RIMS1: variants seen among roughly 807,000 people sequenced by gnomAD.
RIMS1 encodes regulating synaptic membrane exocytosis 1, also known as regulating synaptic membrane exocytosis protein 1.
In RIMS1, 83 loss-of-function variants were observed where a neutral mutation model predicts 214.1. That is an observed-to-expected ratio of 0.39 (90% CI 0.32 to 0.47). The LOEUF (loss-of-function observed/expected upper bound fraction) is 0.47. Among genes scored for constraint, RIMS1 ranks in the 20% least tolerant of loss-of-function variants. RIMS1 has a pLI of 0.99. For missense variants in RIMS1, 2,050 were observed against 2,161.8 expected, an observed-to-expected ratio of 0.95 and a Z score of 1.03; for synonymous variants, 793 against 786.8, an observed-to-expected ratio of 1.01 and a Z score of -0.13.
chr6:72,088,234 T>C (rs930039818), intron 2 of RIMS1, among the ~76,000 whole-genome samples: 1 of 95,722 alleles, frequency 1.0e-5, no homozygotes, highest in Non-Finnish European at 2.6e-5. Flanking sequence ...TATTTATTTA[T>C]TTATTTATTT....
intron 26 of RIMS1, among the ~76,000 whole-genome samples, chr6:72,293,120 A>T (rs946015855): frequency 1.3e-5 from 2 of 152,002 alleles, no homozygotes; most frequent in Non-Finnish European, 2.9e-5. Flanking sequence ...ATTATGGAAA[A>T]CTTAGTGTAG....
At position 72,400,773 on chromosome 6, in the gene RIMS1, CA is replaced by C; in HGVS notation, c.*60del. 1.5e-6 allele frequency: 2 copies of C among 1,309,344 alleles called. No homozygotes were observed. The highest frequency in any genetic ancestry group is 2.2e-6 in the Non-Finnish European group (2 of 929,520). 81.1% of individuals were successfully genotyped at this position (1,309,344 alleles called of 1,614,324 possible). A position where few individuals can be genotyped will look rare whatever the true frequency, so the allele number is the denominator to read the frequency against. On this transcript the variant is annotated 3_prime_UTR_variant, in exon 34 of 34. Transcript: ENST00000521978. The stretch of plus-strand genomic sequence containing the variant: ...TACTTTTCAGGATAATAATCTGAAC[CA>C]GATATTTCATGATCGAAAGCATTGT...
intron 6 of RIMS1, among the ~76,000 whole-genome samples, chr6:72,207,944 C>T (rs908285655): frequency 3.9e-5 from 6 of 152,148 alleles, no homozygotes; most frequent in Admixed American, 6.5e-5. Context: ...TGAGGTGATA[C>T]TTCAGCAATA....
At chr6:72,089,567 C>T (rs1835607397) in intron 2 of RIMS1, among the ~76,000 whole-genome samples, 1 of 152,046 alleles carries the variant, frequency 6.6e-6, no homozygotes, top group African/African-American at 2.4e-5. Context: ...ACCATGTCAG[C>T]CTCCTGAGTA....
rs1422689465 is a variant in RIMS1 at position 72,345,371 on chromosome 6, G to A, written c.4366+11536G>A. Among the ~76,000 whole-genome samples, 3 of 151,630 alleles carry A rather than the reference G, an allele frequency of 2.0e-5. No individual in the cohort carries two copies. In the East Asian group the frequency reaches 5.8e-4, roughly 29 times the overall value. ...ATTGATAAAACCATTAGCAATAATA[G>A]TTGTGATTTAGTGAGCAATTATTAC... is the stretch of plus-strand genomic sequence containing the variant. On this transcript the variant is annotated intron_variant, in intron 29 of 33. Coordinates refer to ENST00000521978, the MANE Select transcript of RIMS1 (RefSeq NM_014989.7).
chr6:72,245,888 T>C, intron 11 of RIMS1, 27 bp downstream of exon 11: 2 of 1,498,010 alleles, frequency 1.3e-6, no homozygotes, highest in African/African-American at 1.4e-5. Flanking sequence ...TTTGTTATTA[T>C]AAAAGTATTG....
intron 26 of RIMS1, among the ~76,000 whole-genome samples, chr6:72,295,215 G>A (rs2093939778): frequency 6.6e-6 from 1 of 151,588 alleles, no homozygotes; most frequent in Non-Finnish European, 1.5e-5. Flanking sequence ...CAGAAATACA[G>A]AAACAGGCCA....
chr6:72,290,411 A>T (rs894091859), intron 24 of RIMS1, among the ~76,000 whole-genome samples: 1 of 152,166 alleles, frequency 6.6e-6, no homozygotes, highest in African/African-American at 2.4e-5. Context: ...AAACAAACAG[A>T]CAGGAGTCTC....
chr6:72,130,771 T>G (rs1327006656), intron 4 of RIMS1, among the ~76,000 whole-genome samples: 1 of 152,146 alleles, frequency 6.6e-6, no homozygotes, highest in African/African-American at 2.4e-5. Flanking sequence ...GTAAAAATAT[T>G]GACATTTTGA....
intron 4 of RIMS1, among the ~76,000 whole-genome samples, chr6:72,112,233 T>C (rs1488586474): frequency 6.6e-6 from 1 of 152,094 alleles, no homozygotes; most frequent in Non-Finnish European, 1.5e-5. Context: ...TCTTACCACC[T>C]CCACTTTCGC....
At chr6:72,203,139 CA>C (rs1283998321) in intron 6 of RIMS1, among the ~76,000 whole-genome samples, 2 of 152,206 alleles carry the variant, frequency 1.3e-5, no homozygotes, top group Admixed American at 6.5e-5. Flanking sequence ...AGGTGCCTGC[CA>C]CCACATTTGG....
chr6:72,321,062 C>T (rs996887753), intron 28 of RIMS1, among the ~76,000 whole-genome samples: 4 of 152,082 alleles, frequency 2.6e-5, no homozygotes, highest in East Asian at 1.9e-4. Flanking sequence ...TAACTGTATA[C>T]GTACTACTTA....
At chr6:72,200,004 ATTTAT>A (rs1163339989) in intron 6 of RIMS1, among the ~76,000 whole-genome samples, 1 of 152,002 alleles carries the variant, frequency 6.6e-6, no homozygotes, top group African/African-American at 2.4e-5. Flanking sequence ...GGAAGCTCTT[ATTTAT>A]TTTAATTTTT....
chr6:72,109,987 T>G (rs896099529), intron 4 of RIMS1, among the ~76,000 whole-genome samples: 3,967 of 152,038 alleles, frequency 0.026, 201 homozygotes, highest in African/African-American at 0.09. Context: ...GTTTTTCTCA[T>G]GTTTGTCAAA....
chr6:72,279,460 G>T (rs1269194488), intron 23 of RIMS1, among the ~76,000 whole-genome samples: 3 of 151,768 alleles, frequency 2.0e-5, no homozygotes. Flanking sequence ...GAAAGCATAA[G>T]GCCAAAAATC....
At chr6:72,089,281 C>T (rs1430518361) in intron 2 of RIMS1, among the ~76,000 whole-genome samples, 1 of 152,084 alleles carries the variant, frequency 6.6e-6, no homozygotes, top group Non-Finnish European at 1.5e-5. Context: ...TGCAGAGCCA[C>T]GACAACACAC....
intron 26 of RIMS1, among the ~76,000 whole-genome samples, chr6:72,293,424 T>G (rs1018834588): frequency 1.1e-4 from 17 of 151,950 alleles, no homozygotes; most frequent in South Asian, 4.1e-4. Context: ...CAGATGAAAT[T>G]GTTTTAAAAT....
At chr6:72,249,634 T>C (rs527609232) in intron 12 of RIMS1, among the ~76,000 whole-genome samples, 2 of 152,144 alleles carry the variant, frequency 1.3e-5, no homozygotes, top group East Asian at 3.9e-4. Context: ...TGGCCAGACA[T>C]GATGATGTAC....
intron 1 of RIMS1, among the ~76,000 whole-genome samples, chr6:71,925,642 T>C (rs1212284265): frequency 6.6e-6 from 1 of 152,230 alleles, no homozygotes; most frequent in Non-Finnish European, 1.5e-5. Flanking sequence ...TTACAAATTA[T>C]AATGTCATAG....
Sources: allele counts gnomAD v4.1 joint callset (sites outside exome capture counted in the v4.1 genomes callset), GRCh38; gene constraint gnomAD v4.1.1; transcripts MANE v1.5; gene names NCBI Gene and HGNC (gene_info 2026-07-23, HGNC 2026-07-21).